Variants in EYA3 observed in about 807,000 individuals in gnomAD.
The protein encoded by EYA3 is EYA transcriptional coactivator and phosphatase 3, also known as protein phosphatase EYA3.
A neutral mutation model predicts 80.0 loss-of-function variants in EYA3; 39 were observed. The ratio of observed to expected loss-of-function variants is 0.49; its 90% confidence interval spans 0.38 to 0.64. EYA3 has a LOEUF of 0.64. Among genes scored for constraint, EYA3 ranks in the 30% least tolerant of loss-of-function variants. EYA3 has a pLI of 0.00. For missense variants in EYA3, 523 were observed against 676.1 expected (o/e 0.77, Z 2.51); for synonymous variants, 206 against 232.8 (o/e 0.88, Z 1.05).
chr1:28,048,510 T>C, intron 2 of EYA3, 84 bp from the exon 3 acceptor site: 2 of 970,058 alleles, frequency 2.1e-6, no homozygotes, highest in Non-Finnish European at 3.2e-6. Context: ...GGCTATTAAC[T>C]ATTACAGGAT....
intron 1 of EYA3, among the ~76,000 whole-genome samples, chr1:28,061,155 A>G (rs1216873004): frequency 6.6e-6 from 1 of 152,258 alleles, no homozygotes; most frequent in African/African-American, 2.4e-5. Context: ...CCGGGATTCT[A>G]CTGGCAACAT....
At chr1:28,042,067 C>A (rs1643813025) in intron 4 of EYA3, among the ~76,000 whole-genome samples, 1 of 152,142 alleles carries the variant, frequency 6.6e-6, no homozygotes, top group African/African-American at 2.4e-5. Flanking sequence ...CACATCAGAT[C>A]TACTGAATGA....
At chr1:28,052,193 C>T (rs776771925) in intron 2 of EYA3, among the ~76,000 whole-genome samples, 13 of 151,934 alleles carry the variant, frequency 8.6e-5, no homozygotes, top group East Asian at 1.9e-4. Flanking sequence ...GTATGTTTAA[C>T]GGAGATGGGG....
At chr1:28,006,561 C>T (rs1468540045) in intron 10 of EYA3, among the ~76,000 whole-genome samples, 1 of 151,876 alleles carries the variant, frequency 6.6e-6, no homozygotes, top group Non-Finnish European at 1.5e-5. Context: ...AAAAAATTAA[C>T]CGGGTGTGGT....
At position 28,002,473 on chromosome 1, in the gene EYA3, A is replaced by C. The variant is rs533827266; in HGVS notation, c.993+1863T>G. On this transcript the variant is annotated intron_variant, in intron 11 of 17. Coordinates refer to ENST00000373871, the MANE Select transcript of EYA3 (RefSeq NM_001990.4). ...ATTTTTATAATCAGTTTAGTTATAT[A>C]GCTTATGTCAGCATGCCAGACTAGA... Among the ~76,000 whole-genome samples the C allele has an allele frequency of 2.5e-4, 38 of 151,792 alleles. No individual in the cohort carries two copies. In the South Asian group the frequency reaches 7.3e-3, roughly 29 times the overall value.
intron 14 of EYA3, chr1:27,990,167 A>C (rs1639947408): frequency 6.3e-6 from 1 of 159,460 alleles, no homozygotes; most frequent in South Asian, 1.6e-4. Flanking sequence ...GCTAGTGGTG[A>C]AAAGCATGAT....
At chr1:28,003,812 A>AT (rs1196576946) in intron 11 of EYA3, among the ~76,000 whole-genome samples, 2 of 152,214 alleles carry the variant, frequency 1.3e-5, no homozygotes, top group African/African-American at 4.8e-5. Flanking sequence ...AAAACAGCCC[A>AT]TCCTTCTGTT....
intron 11 of EYA3, among the ~76,000 whole-genome samples, chr1:28,003,322 A>C (rs2148765790): frequency 6.6e-6 from 1 of 151,896 alleles, no homozygotes; most frequent in African/African-American, 2.4e-5. Context: ...CAACAAAATT[A>C]GCCAGGCATG....
At chr1:28,014,514 G>A (rs1228867216) in intron 8 of EYA3, among the ~76,000 whole-genome samples, 1 of 150,920 alleles carries the variant, frequency 6.6e-6, no homozygotes, top group Admixed American at 6.6e-5. Context: ...GATCACATGA[G>A]GTCAGGAGTT....
intron 2 of EYA3, among the ~76,000 whole-genome samples, chr1:28,055,614 G>A (rs1644411348): frequency 6.6e-6 from 1 of 152,118 alleles, no homozygotes; most frequent in African/African-American, 2.4e-5. Flanking sequence ...GGGATTACAG[G>A]CAAGTGCCAC....
At chr1:28,010,571 A>G (rs1166433576) in intron 10 of EYA3, among the ~76,000 whole-genome samples, 1 of 152,000 alleles carries the variant, frequency 6.6e-6, no homozygotes, top group Non-Finnish European at 1.5e-5. Flanking sequence ...ATTTTTAGAG[A>G]TGGGGGTCTC....
At chr1:28,047,851 G>C (rs1644080575) in intron 3 of EYA3, among the ~76,000 whole-genome samples, 1 of 152,080 alleles carries the variant, frequency 6.6e-6, no homozygotes, top group Non-Finnish European at 1.5e-5. Flanking sequence ...GTGTTAGCCA[G>C]GATGGTCTCG....
intron 11 of EYA3, among the ~76,000 whole-genome samples, chr1:28,000,508 T>G (rs1378192548): frequency 2.0e-5 from 3 of 152,054 alleles, no homozygotes; most frequent in Non-Finnish European, 4.4e-5. Context: ...GAGACAGGGT[T>G]TCACTATGTT....
rs1640548415 is a variant in EYA3 at position 27,997,580 on chromosome 1, G to C, written c.1084-202C>G. 3.3e-5 allele frequency among the ~76,000 whole-genome samples: 5 copies of C among 152,276 alleles called. No homozygotes were observed. The South Asian group carries it at 1.0e-3, about 32-fold the overall frequency. On this transcript the variant is annotated intron_variant, in intron 12 of 17. Transcript: ENST00000373871. ...TCACATCCCAGTCTTCATGAGTTCTGTAACTATCCCATCCCTTGTTTCTAC... is the reference window on the plus strand; with the variant it reads ...TCACATCCCAGTCTTCATGAGTTCTCTAACTATCCCATCCCTTGTTTCTAC...
chr1:27,985,864 G>A (rs1639623250), intron 16 of EYA3, among the ~76,000 whole-genome samples: 1 of 152,166 alleles, frequency 6.6e-6, no homozygotes, highest in Non-Finnish European at 1.5e-5. Flanking sequence ...TTACAGGTGT[G>A]AGCCACTACA....
intron 10 of EYA3, among the ~76,000 whole-genome samples, chr1:28,006,983 C>T (rs1332942849): frequency 6.9e-6 from 1 of 144,912 alleles, no homozygotes; most frequent in Non-Finnish European, 1.5e-5. Flanking sequence ...CTCTGTCACC[C>T]AGGCTGAAGT....
Position 27,981,375 on chromosome 1 carries a change from G to A in EYA3, c.1541-2901C>T, listed in dbSNP as rs115174473. On this transcript the variant is annotated intron_variant, in intron 16 of 17. Coordinates refer to ENST00000373871, the MANE Select transcript of EYA3 (RefSeq NM_001990.4). ...ATTTCCATTAGCCTGATGAGCCTGC[G>A]GGTGCCAGGTCTCAGTATAATAAGC... is the stretch of plus-strand genomic sequence containing the variant. Among the ~76,000 whole-genome samples, 379 of 152,220 alleles carry A rather than the reference G, an allele frequency of 2.5e-3. 2 individuals are homozygous for A. The highest frequency in any genetic ancestry group is 8.3e-3 in the African/African-American group (343 of 41,532).
At position 27,978,462 on chromosome 1, in the gene EYA3, C is replaced by A; in HGVS notation, c.1553G>T (p.Cys518Phe). Residue 518 changes from cysteine to phenylalanine, a missense_variant, in exon 17 of 18, where the codon TGC (cysteine) becomes TTC (phenylalanine). Coordinates refer to ENST00000373871, the MANE Select transcript of EYA3 (RefSeq NM_001990.4). ...AAACCTTGACACAATTCTCTCAAAG[C>A]AGCTCTCCTTACCTGATGAGAAAAA... ...YSATKIGKES[C>F]FERIVSRFGK... 1 of 1,613,952 alleles carries A rather than the reference C, an allele frequency of 6.2e-7. No homozygotes were observed. Among genetic ancestry groups the A allele is most frequent in the Non-Finnish European group, 8.5e-7 (1 of 1,179,844 alleles).
At chr1:27,999,900 T>C in intron 12 of EYA3, 60 bp downstream of exon 12, 1 of 1,271,862 alleles carries the variant, frequency 7.9e-7, no homozygotes, top group Non-Finnish European at 1.1e-6. Flanking sequence ...AAGCAAAAGC[T>C]CTAAATAGTT....
Sources: gnomAD v4.1 joint callset for allele counts (sites outside exome capture counted in the v4.1 genomes callset) on GRCh38, gnomAD v4.1.1 for gene constraint, MANE v1.5 for transcripts, NCBI Gene and HGNC (gene_info 2026-07-23, HGNC 2026-07-21) for gene names.